GLIS3: variants seen among roughly 807,000 people sequenced by gnomAD.
GLIS3 encodes zinc finger protein GLIS3.
In GLIS3, 53 loss-of-function variants were observed where a neutral mutation model predicts 78.6. The ratio of observed to expected loss-of-function variants is 0.67; its 90% CI spans 0.54 to 0.85. GLIS3 has a LOEUF of 0.85. Among genes scored for constraint, GLIS3 ranks in the 40% least tolerant of loss-of-function variants. The pLI is 0.00. For synonymous variants in GLIS3, 684 were observed against 509.9 expected (o/e 1.34, Z -4.60); for missense variants, 1,703 against 1,231.1 (o/e 1.38, Z -5.74).
At chr9:3,948,567 C>T (rs530840423) in intron 4 of GLIS3, among the ~76,000 whole-genome samples, 2 of 152,236 alleles carry the variant, frequency 1.3e-5, no homozygotes, top group African/African-American at 4.8e-5. Context: ...ACACCTTCCA[C>T]CCCCTCTCTC....
intron 9 of GLIS3, among the ~76,000 whole-genome samples, chr9:3,831,554 T>G (rs779424806): frequency 1.4e-4 from 22 of 152,224 alleles, no homozygotes; most frequent in Non-Finnish European, 3.1e-4. Context: ...GAAAACAGTT[T>G]GACAACCTGT....
the GLIS3 span, among the ~76,000 whole-genome samples, chr9:4,406,483 G>A: frequency 6.6e-6 from 1 of 152,084 alleles, no homozygotes; most frequent in Non-Finnish European, 1.5e-5. Flanking sequence ...ACCAGGCCTG[G>A]CTAATTTTGT....
chr9:4,207,271 G>C (rs1394466717), intron 2 of GLIS3, among the ~76,000 whole-genome samples: 1 of 152,144 alleles, frequency 6.6e-6, no homozygotes, highest in Non-Finnish European at 1.5e-5. Flanking sequence ...GACTCTGCCA[G>C]CCCCACTAAA....
chr9:4,419,395 T>C, the GLIS3 span, among the ~76,000 whole-genome samples: 1 of 152,174 alleles, frequency 6.6e-6, no homozygotes, highest in South Asian at 2.1e-4. Flanking sequence ...AATTCCGGCA[T>C]CTGCTCAGTT....
chr9:4,258,166 A>G (rs1044765962), intron 2 of GLIS3, among the ~76,000 whole-genome samples: 1 of 152,218 alleles, frequency 6.6e-6, no homozygotes, highest in Non-Finnish European at 1.5e-5. Context: ...GAAAAAAAAT[A>G]CGTCTTTTTT....
At chr9:4,298,538 C>T in intron 1 of GLIS3, 1 of 350,802 alleles carries the variant, frequency 2.9e-6, no homozygotes, top group Non-Finnish European at 5.7e-6. Context: ...GAGCCGGCGG[C>T]TCACTCACGC....
At chr9:4,366,786 AC>A in the GLIS3 span, among the ~76,000 whole-genome samples, 22 of 152,290 alleles carry the variant, frequency 1.4e-4, no homozygotes, top group East Asian at 3.9e-3. Flanking sequence ...GAATTTACCA[AC>A]CACCAACTGC....
the GLIS3 span, among the ~76,000 whole-genome samples, chr9:4,448,724 C>G: frequency 6.6e-6 from 1 of 152,298 alleles, no homozygotes; most frequent in Non-Finnish European, 1.5e-5. Flanking sequence ...ATCATTATGT[C>G]CTTTTGATCC....
chr9:4,345,140 A>G (rs1240167861), intron 2 of GLIS3, among the ~76,000 whole-genome samples: 2 of 152,142 alleles, frequency 1.3e-5, no homozygotes, highest in African/African-American at 4.8e-5. Flanking sequence ...GAGTGCTTAC[A>G]AGATCCTACA....
the GLIS3 span, among the ~76,000 whole-genome samples, chr9:4,481,515 A>AGAGTGT: frequency 1.4e-5 from 2 of 147,474 alleles, no homozygotes; most frequent in African/African-American, 2.5e-5. Flanking sequence ...TAAAAACATA[A>AGAGTGT]GTGTGTGTGT....
chr9:4,353,842 T>C, the GLIS3 span, among the ~76,000 whole-genome samples: 1 of 152,108 alleles, frequency 6.6e-6, no homozygotes, highest in Admixed American at 6.5e-5. Context: ...CACAGTCTCC[T>C]CTGAAGAACT....
chr9:4,302,645 C>T (rs2130493942), upstream of GLIS3, among the ~76,000 whole-genome samples: 1 of 152,274 alleles, frequency 6.6e-6, no homozygotes, highest in South Asian at 2.1e-4. Context: ...GCTCAGTAAA[C>T]AGTTAAAGAG....
At chr9:4,130,419 A>C (rs1270768984) in intron 2 of GLIS3, among the ~76,000 whole-genome samples, 1 of 152,224 alleles carries the variant, frequency 6.6e-6, no homozygotes, top group African/African-American at 2.4e-5. Flanking sequence ...CAAAGGCCTA[A>C]GAGGGAAGAA....
chr9:4,007,920 C>T (rs1188257460), intron 4 of GLIS3, among the ~76,000 whole-genome samples: 1 of 150,394 alleles, frequency 6.6e-6, no homozygotes, highest in Non-Finnish European at 1.5e-5. Flanking sequence ...TTACTCCAGT[C>T]TCTTATCACT....
chr9:4,181,586 G>A (rs2131174010), intron 2 of GLIS3, among the ~76,000 whole-genome samples: 1 of 152,302 alleles, frequency 6.6e-6, no homozygotes, highest in South Asian at 2.1e-4. Context: ...CCTTATAGAA[G>A]CTAAAAGTAC....
intron 2 of GLIS3, among the ~76,000 whole-genome samples, chr9:4,172,285 C>A (rs1397270826): frequency 6.6e-6 from 1 of 152,134 alleles, no homozygotes; most frequent in Admixed American, 6.6e-5. Flanking sequence ...TCAATATGTG[C>A]AACTCCTTAC....
chr9:4,105,091 T>A (rs1433535498), intron 4 of GLIS3, among the ~76,000 whole-genome samples: 1 of 152,208 alleles, frequency 6.6e-6, no homozygotes, highest in Non-Finnish European at 1.5e-5. Flanking sequence ...ATTATGTTAA[T>A]AACCTTAGAA....
intron 2 of GLIS3, among the ~76,000 whole-genome samples, chr9:4,339,416 G>C (rs1351474162): frequency 6.6e-6 from 1 of 152,116 alleles, no homozygotes; most frequent in African/African-American, 2.4e-5. Context: ...TTAACTGAGA[G>C]TTTCGTCTTT....
At chr9:4,185,829 C>A (rs1817736892) in intron 2 of GLIS3, among the ~76,000 whole-genome samples, 1 of 152,106 alleles carries the variant, frequency 6.6e-6, no homozygotes, top group Non-Finnish European at 1.5e-5. Flanking sequence ...AAGAGTTCCC[C>A]ATTGGCCAGA....
Sources: allele counts gnomAD v4.1 joint callset (sites outside exome capture counted in the v4.1 genomes callset), GRCh38; gene constraint gnomAD v4.1.1; transcripts MANE v1.5; gene names NCBI Gene and HGNC (gene_info 2026-07-23, HGNC 2026-07-21).